The following FRMD4A variants were observed in gnomAD, a reference collection of about 807,000 sequenced individuals.
FRMD4A encodes the protein FERM domain-containing protein 4A.
FRMD4A carries 29 observed loss-of-function variants against 129.1 expected under a neutral mutation model. That is an observed-to-expected ratio of 0.22 (90% CI 0.17 to 0.31). The LOEUF (loss-of-function observed/expected upper bound fraction) is 0.31. Ranked by LOEUF, FRMD4A falls within the 10% of genes least tolerant of loss-of-function variation. FRMD4A has a pLI of 1.00. For missense variants in FRMD4A, 1,272 were observed against 1,375.8 expected (o/e 0.92, Z 1.19); for synonymous variants, 634 against 571.6 (o/e 1.11, Z -1.56).
chr10:13,649,575 T>C (rs536634919), intron 24 of FRMD4A: 57 of 139,404 alleles, frequency 4.1e-4, no homozygotes, highest in Admixed American at 3.9e-3. Context: ...TAAAGATGTA[T>C]TTTTTCCAAA....
Position 14,330,202 on chromosome 10 carries a change from A to T in FRMD4A, c.-81-19T>A. 8.0e-7 allele frequency: 1 copy of T among 1,249,932 alleles called. No individual in the cohort carries two copies. Among genetic ancestry groups the T allele is most frequent in the South Asian group, 1.3e-5 (1 of 78,080 alleles). 77.4% of individuals were successfully genotyped at this position (1,249,932 alleles called of 1,614,324 possible). On this transcript the variant is annotated intron_variant, in intron 1 of 24. Coordinates refer to ENST00000357447, the MANE Select transcript of FRMD4A (RefSeq NM_018027.5). ...AAAGCACCTGCAGAAAAAGCAGCCA[A>T]AATCCAGACTTAGGGAGCAAAAGGC...
chr10:14,303,827 G>C (rs2132093767), intron 2 of FRMD4A, among the ~76,000 whole-genome samples: 1 of 151,986 alleles, frequency 6.6e-6, no homozygotes, highest in East Asian at 1.9e-4. Context: ...TTATTATCAT[G>C]GTTTATTATT....
At chr10:14,130,261 T>C (rs566355008) in intron 2 of FRMD4A, among the ~76,000 whole-genome samples, 29 of 152,336 alleles carry the variant, frequency 1.9e-4, no homozygotes, top group Middle Eastern at 3.4e-3. Context: ...TTTTAAAAAC[T>C]AATTTGTTAA....
chr10:14,087,957 G>A (rs1160062608), intron 2 of FRMD4A, among the ~76,000 whole-genome samples: 1 of 152,134 alleles, frequency 6.6e-6, no homozygotes, highest in Non-Finnish European at 1.5e-5. Flanking sequence ...AATTATTATC[G>A]GGGGTTGTTT....
rs527716265 is a variant in FRMD4A, at chr10:13,869,332, G to A, written c.46-10420C>T. 7.2e-5 allele frequency among the ~76,000 whole-genome samples: 11 copies of A among 152,348 alleles called. No homozygotes were observed. In the East Asian group the frequency reaches 1.5e-3, roughly 21 times the overall value. ...TCTCCTGAGGGCGTTATGGCATCTC[G>A]CTGAAGAGGAACTCCTACCCACAGC... On this transcript the variant is annotated intron_variant, in intron 2 of 24. Coordinates refer to ENST00000357447, the MANE Select transcript of FRMD4A (RefSeq NM_018027.5).
intron 2 of FRMD4A, among the ~76,000 whole-genome samples, chr10:13,938,441 C>T (rs1466728037): frequency 6.6e-6 from 1 of 152,082 alleles, no homozygotes; most frequent in African/African-American, 2.4e-5. Flanking sequence ...TGGGGTTTCG[C>T]CATGTTGCCC....
intron 2 of FRMD4A, among the ~76,000 whole-genome samples, chr10:14,080,395 C>A (rs149121090): frequency 1.1e-4 from 17 of 152,218 alleles, no homozygotes; most frequent in Admixed American, 2.6e-4. Flanking sequence ...GGCTCCTGAA[C>A]AAGGGGTTAA....
At chr10:14,239,652 C>CA (rs529527490) in intron 2 of FRMD4A, among the ~76,000 whole-genome samples, 15,850 of 149,956 alleles carry the variant, frequency 0.11, 987 homozygotes, top group Middle Eastern at 0.15. Context: ...AACAAACAAA[C>CA]AAAAAAAAAC....
intron 2 of FRMD4A, among the ~76,000 whole-genome samples, chr10:14,220,812 T>TGTGTGTTTG (rs1843230839): frequency 2.2e-5 from 1 of 45,356 alleles, no homozygotes; most frequent in African/African-American, 4.3e-5. Flanking sequence ...GTGTGTGTGT[T>TGTGTGTTTG]TGTGTGTGTG....
At chr10:13,975,366 G>A (rs903237047) in intron 2 of FRMD4A, among the ~76,000 whole-genome samples, 3 of 151,794 alleles carry the variant, frequency 2.0e-5, no homozygotes, top group African/African-American at 7.3e-5. Flanking sequence ...CTGTGTGTAT[G>A]TGTGTGTCTA....
intron 2 of FRMD4A, among the ~76,000 whole-genome samples, chr10:14,051,172 C>T (rs914384940): frequency 1.3e-5 from 2 of 152,204 alleles, no homozygotes; most frequent in Non-Finnish European, 2.9e-5. Context: ...AGTATCTAGC[C>T]TTTCGATGCT....
At chr10:13,935,535 A>G (rs1490121258) in intron 2 of FRMD4A, among the ~76,000 whole-genome samples, 1 of 151,702 alleles carries the variant, frequency 6.6e-6, no homozygotes, top group East Asian at 1.9e-4. Flanking sequence ...CCAATCTGCC[A>G]ATATGTTAGG....
chr10:13,969,078 G>C (rs946062050), intron 2 of FRMD4A, among the ~76,000 whole-genome samples: 1 of 152,192 alleles, frequency 6.6e-6, no homozygotes, highest in African/African-American at 2.4e-5. Context: ...GGTAATCTTG[G>C]ACCTCCTGCA....
At chr10:13,784,065 C>T (rs946964400) in intron 5 of FRMD4A, among the ~76,000 whole-genome samples, 5 of 152,144 alleles carry the variant, frequency 3.3e-5, no homozygotes, top group African/African-American at 1.2e-4. Flanking sequence ...AGGTTCTGAG[C>T]AGGTGTAGCA....
chr10:13,716,471 T>C lies in FRMD4A; in HGVS notation c.760-9358A>G, dbSNP rs2088821890. Among the ~76,000 whole-genome samples, 2 of 152,202 alleles carry C rather than the reference T, an allele frequency of 1.3e-5. 1 individual carries two copies. Among genetic ancestry groups the C allele is most frequent in the East Asian group, 3.8e-4 (2 of 5,198 alleles). ...TCACTTGCACTGAAAGAGGCATCTA[T>C]CTTCTTCAGAGATGGCCACACACCC... On this transcript the variant is annotated intron_variant, in intron 12 of 24. Coordinates refer to ENST00000357447, the MANE Select transcript of FRMD4A (RefSeq NM_018027.5).
intron 2 of FRMD4A, among the ~76,000 whole-genome samples, chr10:13,914,398 A>G (rs2094976988): frequency 6.6e-6 from 1 of 152,226 alleles, no homozygotes; most frequent in African/African-American, 2.4e-5. Flanking sequence ...TACCAACACT[A>G]TGATAAATTA....
At chr10:14,081,065 A>C (rs1320230366) in intron 2 of FRMD4A, among the ~76,000 whole-genome samples, 1 of 152,076 alleles carries the variant, frequency 6.6e-6, no homozygotes, top group Non-Finnish European at 1.5e-5. Flanking sequence ...ATAGCCCATA[A>C]ATTAGTAAGT....
intron 4 of FRMD4A, among the ~76,000 whole-genome samples, chr10:13,797,354 CA>C (rs2093142250): frequency 6.6e-6 from 1 of 152,208 alleles, no homozygotes; most frequent in Non-Finnish European, 1.5e-5. Context: ...AACTTACCGC[CA>C]GGGGCAGTGG....
At chr10:13,695,236 G>A (rs1044020499) in intron 14 of FRMD4A, among the ~76,000 whole-genome samples, 9 of 152,054 alleles carry the variant, frequency 5.9e-5, no homozygotes, top group African/African-American at 2.2e-4. Flanking sequence ...TGCCTCCTGG[G>A]TTGAAGTGGT....
Sources: gnomAD v4.1 joint callset for allele counts (sites outside exome capture counted in the v4.1 genomes callset) on GRCh38, gnomAD v4.1.1 for gene constraint, MANE v1.5 for transcripts, NCBI Gene and HGNC (gene_info 2026-07-23, HGNC 2026-07-21) for gene names.